USP42: variants seen among roughly 807,000 people sequenced by gnomAD.
USP42 encodes ubiquitin specific peptidase 42.
USP42 carries 23 observed loss-of-function variants against 113.0 expected under a neutral mutation model. The ratio of observed to expected loss-of-function variants is 0.20; its 90% CI spans 0.15 to 0.29. The LOEUF is 0.29. Among genes scored for constraint, USP42 ranks in the 10% least tolerant of loss-of-function variants. The pLI is 1.00. For missense variants in USP42, 2,174 were observed against 1,779.8 expected (o/e 1.22, Z -3.99); for synonymous variants, 933 against 699.0 (o/e 1.33, Z -5.28).
At chr7:6,109,858 G>T (rs1400727528) in intron 1 of USP42, among the ~76,000 whole-genome samples, 2 of 151,794 alleles carry the variant, frequency 1.3e-5, no homozygotes, top group African/African-American at 4.8e-5. Flanking sequence ...GTGCCACCAC[G>T]CCCGGCTAAT....
rs191352086 is a variant in USP42, at chr7:6,122,484, G to A, written c.442+6961G>A. 2.0e-3 allele frequency among the ~76,000 whole-genome samples: 300 copies of A among 151,714 alleles called. 2 individuals are homozygous for A. The highest frequency in any genetic ancestry group is 7.0e-3 in the African/African-American group (288 of 41,398). On this transcript the variant is annotated intron_variant, in intron 3 of 17. Coordinates refer to ENST00000306177, the MANE Select transcript of USP42 (RefSeq NM_032172.3). ...TGTTTTTTTGTTTGTTTGTTTGTTT[G>A]TTTTGAGACAGAGTCTTGCTCTGTT... is the stretch of plus-strand genomic sequence containing the variant.
intron 7 of USP42, among the ~76,000 whole-genome samples, chr7:6,141,296 G>A (rs1288407257): frequency 5.0e-5 from 7 of 140,080 alleles, no homozygotes; most frequent in South Asian, 2.4e-4. Context: ...TCCACCTCCC[G>A]AGTTCAAGCA....
intron 14 of USP42, among the ~76,000 whole-genome samples, chr7:6,152,510 G>T (rs1168308300): frequency 6.6e-6 from 1 of 152,102 alleles, no homozygotes; most frequent in African/African-American, 2.4e-5. Flanking sequence ...CCGGCGGGTG[G>T]GAGTGCCCTC....
Position 6,158,275 on chromosome 7 carries a change from G to A in USP42, c.3944-1175G>A, listed in dbSNP as rs1446379452. 1.3e-5 allele frequency among the ~76,000 whole-genome samples: 2 copies of A among 152,220 alleles called. No individual in the cohort carries two copies. The highest frequency in any genetic ancestry group is 1.9e-4 in the East Asian group (1 of 5,186). ...GAGTGGCTGCGGCAGGGCAGGGACC[G>A]TGTGGCTCGCAAAGCGGAAAATGTT... On this transcript the variant is annotated intron_variant, in intron 16 of 17. Transcript: ENST00000306177. The surrounding 1 kb of genome is among the most constrained non-coding windows in gnomAD (Gnocchi z 4.2).
chr7:6,141,352 G>GT (rs1299145137), intron 7 of USP42, among the ~76,000 whole-genome samples: 1 of 150,808 alleles, frequency 6.6e-6, no homozygotes, highest in African/African-American at 2.4e-5. Context: ...ATAGGTGCAT[G>GT]TGCCACCATG....
chr7:6,134,374 T>C (rs1046943764), intron 3 of USP42, among the ~76,000 whole-genome samples: 1 of 152,346 alleles, frequency 6.6e-6, no homozygotes, highest in East Asian at 1.9e-4. Context: ...TTGTACTGTT[T>C]GATTGGATGC....
chr7:6,091,568 T>C, the USP42 span, among the ~76,000 whole-genome samples: 3 of 150,578 alleles, frequency 2.0e-5, no homozygotes, highest in African/African-American at 2.5e-5. Flanking sequence ...TATACTATAA[T>C]TGGGTTTCTA....
chr7:6,153,793 G>A lies in USP42; in HGVS notation c.2239G>A (p.Asp747Asn), dbSNP rs1396668757. 1.3e-6 allele frequency: 2 copies of A among 1,505,090 alleles called. No individual in the cohort carries two copies. Among genetic ancestry groups the A allele is most frequent in the Admixed American group, 2.3e-5 (1 of 43,170 alleles). The allele number at this position is 1,505,090 out of a possible 1,614,324, so 93.2% of individuals were successfully genotyped here. ...AGAGAGGGGCCCTCCCGAGGACCGCGACGCCGAGCCTCAGCCTGGCAGCCC... is the reference window on the plus strand; with the variant it reads ...AGAGAGGGGCCCTCCCGAGGACCGCAACGCCGAGCCTCAGCCTGGCAGCCC... ...GAERGPPEDRDAEPQPGSPAA... is the reference protein window; with the variant it reads ...GAERGPPEDRNAEPQPGSPAA... The change falls in exon 15 of 18, where the codon GAC becomes AAC. Residue 747 changes from aspartate to asparagine, a missense_variant. Coordinates refer to ENST00000306177, the MANE Select transcript of USP42 (RefSeq NM_032172.3).
intron 3 of USP42, among the ~76,000 whole-genome samples, chr7:6,119,301 C>T (rs1018689932): frequency 2.0e-5 from 3 of 151,988 alleles, no homozygotes; most frequent in African/African-American, 7.3e-5. Flanking sequence ...TGTGAGACCT[C>T]GTCTTTACAA....
chr7:6,147,247 T>A (rs2128511619), intron 11 of USP42, among the ~76,000 whole-genome samples: 1 of 152,248 alleles, frequency 6.6e-6, no homozygotes, highest in South Asian at 2.1e-4. Flanking sequence ...GTGGCATATA[T>A]TTATAATTAG....
chr7:6,155,188 G>T lies in USP42; in HGVS notation c.3634G>T (p.Asp1212Tyr). 2.0e-6 allele frequency: 3 copies of T among 1,529,540 alleles called. No individual in the cohort carries two copies. The highest frequency in any genetic ancestry group is 2.4e-5 in the South Asian group (2 of 83,288). The allele number at this position is 1,529,540 out of a possible 1,614,324, so 94.7% of individuals were successfully genotyped here. A position where few individuals can be genotyped will look rare whatever the true frequency, so the allele number is the denominator to read the frequency against. The change falls in exon 15 of 18, where the codon GAC (aspartate) becomes TAC (tyrosine). Residue 1212 changes from aspartate (D) to tyrosine (Y), a missense_variant. Physicochemically the swap from Asp to Tyr is radical, Grantham distance 160. Transcript: ENST00000306177. ...ATCCAAAGACAAACACCGAGACCGC[G>T]ACTCCAGGTGAGCCTGGGGCCTTGT... The part of the protein sequence containing the change: ...KKSKDKHRDR[D>Y]SRHQQDSDLS...
intron 5 of USP42, 107 bp from the exon 6 acceptor site, chr7:6,140,021 G>A: frequency 9.4e-7 from 1 of 1,058,554 alleles, no homozygotes; most frequent in Non-Finnish European, 1.5e-6. Context: ...TGGCTGTCCT[G>A]TTTGAATTCT....
intron 8 of USP42, 120 bp downstream of exon 8, chr7:6,143,134 G>T (rs993340877): frequency 1.3e-5 from 12 of 945,364 alleles, no homozygotes; most frequent in Non-Finnish European, 2.0e-5. Flanking sequence ...CCTCTGGGAA[G>T]ACACTGCGTC....
chr7:6,132,288 A>T (rs771589236), intron 3 of USP42, among the ~76,000 whole-genome samples: 7 of 152,164 alleles, frequency 4.6e-5, no homozygotes, highest in Non-Finnish European at 8.8e-5. Context: ...GCTGTGCCTG[A>T]TAAGAAGTCT....
At chr7:6,105,073 G>C (rs1021410977) in intron 1 of USP42, 41 bp downstream of exon 1, 2 of 148,354 alleles carry the variant, frequency 1.3e-5, no homozygotes, top group African/African-American at 4.9e-5. Context: ...AGGCCGGCAT[G>C]GGGCCCGCGC....
chr7:6,140,233 CAT>C (rs777693276), intron 6 of USP42, 38 bp downstream of exon 6: 14 of 1,567,722 alleles, frequency 8.9e-6, no homozygotes, highest in East Asian at 2.2e-5. Context: ...ATGATACACA[CAT>C]GTGGTTAAAA....
Position 6,150,321 on chromosome 7 carries a change from C to T in USP42, c.2106+19C>T, listed in dbSNP as rs774508720. 1.2e-6 allele frequency: 2 copies of T among 1,611,422 alleles called. No individual in the cohort carries two copies. Among genetic ancestry groups the T allele is most frequent in the South Asian group, 1.1e-5 (1 of 90,976 alleles). On this transcript the variant is annotated intron_variant, in intron 13 of 17. Transcript: ENST00000306177. Reference sequence around the variant, plus strand: ...TGGAAAGGTGAGTGCACGTCAGGGTCTTCAGCCTCGTTTGTGGCGGTTCCC... The same window carrying T: ...TGGAAAGGTGAGTGCACGTCAGGGTTTTCAGCCTCGTTTGTGGCGGTTCCC...
Position 6,154,298 on chromosome 7 carries a change from A to C in USP42, c.2744A>C (p.Asp915Ala). 1.3e-6 allele frequency: 2 copies of C among 1,587,088 alleles called. No homozygotes were observed. Among genetic ancestry groups the C allele is most frequent in the African/African-American group, 2.7e-5 (2 of 74,366 alleles). Residue 915 changes from aspartate (D) to alanine (A), a missense_variant, in exon 15 of 18, where the codon GAC (aspartate) becomes GCC (alanine). Transcript: ENST00000306177. ...GCCCCGGCCGGTCACCCGGAAGGGG[A>C]CGCTGAGCCTAGCCCCGGCGAGAGG... ...DMAPAGHPEG[D>A]AEPSPGERVE... is the part of the protein sequence containing the mutation.
At chr7:6,123,506 A>G (rs539920926) in intron 3 of USP42, among the ~76,000 whole-genome samples, 1 of 152,060 alleles carries the variant, frequency 6.6e-6, no homozygotes, top group African/African-American at 2.4e-5. Context: ...TACTAAAAAT[A>G]CAAATATTAG....
Sources: allele counts gnomAD v4.1 joint callset (sites outside exome capture counted in the v4.1 genomes callset), GRCh38; gene constraint gnomAD v4.1.1; non-coding constraint Gnocchi (gnomAD v3.1); transcripts MANE v1.5; gene names NCBI Gene and HGNC (gene_info 2026-07-23, HGNC 2026-07-21).